Variants in BRINP1 observed in about 807,000 individuals in gnomAD.
The protein encoded by BRINP1 is BMP/retinoic acid inducible neural specific 1, also known as BMP/retinoic acid-inducible neural-specific protein 1.
Under a neutral mutation model 72.9 loss-of-function variants are expected in BRINP1, and 17 were observed. The ratio of observed to expected loss-of-function variants is 0.23; its 90% CI spans 0.16 to 0.35. BRINP1 has a LOEUF of 0.35. Among genes scored for constraint, BRINP1 ranks in the 10% least tolerant of loss-of-function variants. The probability of loss-of-function intolerance (pLI) is 1.00; values close to 1 mark genes in which losing one functional copy is unlikely to be tolerated. For missense variants in BRINP1, 850 were observed against 1,001.6 expected (o/e 0.85, Z 2.04); for synonymous variants, 418 against 378.5 (o/e 1.10, Z -1.21).
chr9:119,334,925 A>G (rs1028544522), intron 1 of BRINP1, among the ~76,000 whole-genome samples: 1 of 152,124 alleles, frequency 6.6e-6, no homozygotes, highest in Non-Finnish European at 1.5e-5. Flanking sequence ...AGCAAATATT[A>G]CTGAAATGTT....
chr9:119,301,367 T>G (rs958801235), intron 2 of BRINP1, among the ~76,000 whole-genome samples: 16 of 152,234 alleles, frequency 1.1e-4, no homozygotes, highest in African/African-American at 3.9e-4. Context: ...CTTGTCAACT[T>G]TCATATTCAA....
chr9:119,282,615 G>A (rs1289867466), intron 2 of BRINP1, among the ~76,000 whole-genome samples: 1 of 152,108 alleles, frequency 6.6e-6, no homozygotes, highest in African/African-American at 2.4e-5. Context: ...TGAAAAGTAA[G>A]CCCATCTCCA....
chr9:119,329,889 C>CA (rs1342748377), intron 1 of BRINP1, among the ~76,000 whole-genome samples: 1 of 152,174 alleles, frequency 6.6e-6, no homozygotes, highest in African/African-American at 2.4e-5. Flanking sequence ...AGATCCAAAT[C>CA]CATGTAATCT....
In BRINP1 at chr9:119,368,428, T is replaced by C. The variant is rs990661269; in HGVS notation, c.-51+628A>G. 2.6e-5 allele frequency among the ~76,000 whole-genome samples: 4 copies of C among 151,940 alleles called. No homozygotes were observed. Among genetic ancestry groups the C allele is most frequent in the African/African-American group, 9.7e-5 (4 of 41,346 alleles). On this transcript the variant is annotated intron_variant, in intron 1 of 7. Transcript: ENST00000265922. This position sits in a 1 kb window ranked among gnomAD's most constrained non-coding sequence, Gnocchi z 4.7. ...AGCAGGATTCCACCGTTTGGAGGAA[T>C]TTTCCTTCAAGCGTACCAACATTGG... is the stretch of plus-strand genomic sequence containing the variant.
chr9:119,300,087 A>G (rs944334595), intron 2 of BRINP1, among the ~76,000 whole-genome samples: 1 of 152,158 alleles, frequency 6.6e-6, no homozygotes, highest in Non-Finnish European at 1.5e-5. Context: ...AGAAGCCTTC[A>G]AATCTTCACA....
chr9:119,298,188 C>A (rs1232120719), intron 2 of BRINP1, among the ~76,000 whole-genome samples: 4 of 152,210 alleles, frequency 2.6e-5, no homozygotes, highest in African/African-American at 9.6e-5. Context: ...AAAGCACTAT[C>A]TTCCATCAGA....
intron 1 of BRINP1, among the ~76,000 whole-genome samples, chr9:119,363,216 C>T (rs1831653652): frequency 6.6e-6 from 1 of 152,142 alleles, no homozygotes; most frequent in South Asian, 2.1e-4. Context: ...GATTCTCCAA[C>T]CTCGGCCTAC....
intron 7 of BRINP1, among the ~76,000 whole-genome samples, chr9:119,191,487 ATAACT>A (rs1337802874): frequency 6.6e-6 from 1 of 151,848 alleles, no homozygotes; most frequent in African/African-American, 2.4e-5. Flanking sequence ...CTACACACAA[ATAACT>A]TAGTTGAAAA....
At chr9:119,345,080 A>G (rs1831436975) in intron 1 of BRINP1, among the ~76,000 whole-genome samples, 1 of 152,228 alleles carries the variant, frequency 6.6e-6, no homozygotes, top group African/African-American at 2.4e-5. Flanking sequence ...GAACAAGTGA[A>G]ATCGAGAGAG....
chr9:119,289,345 G>A (rs1830800152), intron 2 of BRINP1, among the ~76,000 whole-genome samples: 1 of 152,194 alleles, frequency 6.6e-6, no homozygotes, highest in Admixed American at 6.5e-5. Flanking sequence ...GTAAGACGAT[G>A]AAGAACTGGT....
chr9:119,258,775 C>T (rs1830469698), intron 2 of BRINP1, among the ~76,000 whole-genome samples: 1 of 152,136 alleles, frequency 6.6e-6, no homozygotes, highest in Non-Finnish European at 1.5e-5. Flanking sequence ...TGGTCCTTTA[C>T]AAATCTCTGT....
chr9:119,307,326 A>G (rs1415890731), intron 2 of BRINP1, among the ~76,000 whole-genome samples: 1 of 152,154 alleles, frequency 6.6e-6, no homozygotes, highest in Non-Finnish European at 1.5e-5. Context: ...AAGCATTAGT[A>G]TTTTTAACTC....
At chr9:119,318,847 GTGTGTGTGTGTGTGTGTGTGTGTGTGT>G (rs1831155571) in intron 1 of BRINP1, among the ~76,000 whole-genome samples, 1 of 63,796 alleles carries the variant, frequency 1.6e-5, no homozygotes, top group African/African-American at 4.0e-5. Flanking sequence ...TGTGTGGGGT[GTGTGTGTGTGTGTGTGTGTGTGTGTGT>G]GTGTGTGTGT....
intron 5 of BRINP1, among the ~76,000 whole-genome samples, chr9:119,226,296 C>T (rs982049235): frequency 4.6e-5 from 7 of 152,126 alleles, no homozygotes; most frequent in Non-Finnish European, 1.0e-4. Context: ...TTTTGGCCAT[C>T]CTGATGCCTC....
chr9:119,216,438 G>C (rs1456461465), intron 5 of BRINP1, among the ~76,000 whole-genome samples: 2 of 152,180 alleles, frequency 1.3e-5, no homozygotes, highest in Admixed American at 6.5e-5. Flanking sequence ...TACTGTACAA[G>C]GGCATAACAC....
At chr9:119,283,179 G>T in intron 2 of BRINP1, 1 of 984,886 alleles carries the variant, frequency 1.0e-6, no homozygotes, top group Non-Finnish European at 1.2e-6. Flanking sequence ...CTCCTTGAGT[G>T]TTTCTTTAGA....
At chr9:119,294,506 A>T (rs1794980199) in intron 2 of BRINP1, among the ~76,000 whole-genome samples, 1 of 152,068 alleles carries the variant, frequency 6.6e-6, no homozygotes, top group Non-Finnish European at 1.5e-5. Context: ...AGCCTTGGCA[A>T]CAGAGATGAA....
chr9:119,219,646 T>TGAGAGAGAGAGAGAGAGAGA (rs57623423), intron 5 of BRINP1, among the ~76,000 whole-genome samples: 2 of 125,824 alleles, frequency 1.6e-5, no homozygotes, highest in African/African-American at 5.9e-5. Context: ...TACTGTTTAC[T>TGAGAGAGAGAGAGAGAGAGA]GAGAGAGAGA....
In BRINP1 at chr9:119,216,774, A is replaced by G. The variant is rs112991096; in HGVS notation, c.686-2619T>C. 4.8e-3 allele frequency among the ~76,000 whole-genome samples: 726 copies of G among 152,270 alleles called. 4 individuals are homozygous for G. The highest frequency in any genetic ancestry group is 0.017 in the African/African-American group (691 of 41,554). ...ATATTCTATTCTTGGTCCCAGCCCA[A>G]AAGGAATTTGGGGAGAGCATTTATA... On this transcript the variant is annotated intron_variant, in intron 5 of 7. Coordinates refer to ENST00000265922, the MANE Select transcript of BRINP1 (RefSeq NM_014618.3).
Sources: gnomAD v4.1 joint callset for allele counts (sites outside exome capture counted in the v4.1 genomes callset) on GRCh38, gnomAD v4.1.1 for gene constraint, Gnocchi (gnomAD v3.1) non-coding constraint, MANE v1.5 for transcripts, NCBI Gene and HGNC (gene_info 2026-07-23, HGNC 2026-07-21) for gene names.